WWC2: variants seen among roughly 807,000 people sequenced by gnomAD.
WWC2 encodes the protein protein WWC2.
In WWC2, 101 loss-of-function variants were observed where a neutral mutation model predicts 138.5. That is an observed-to-expected ratio of 0.73 (90% CI 0.62 to 0.86). WWC2 has a LOEUF of 0.86. WWC2 is among the 40% of genes least tolerant of loss of function. WWC2 has a pLI of 0.00. For synonymous variants in WWC2, 558 were observed against 538.4 expected, an observed-to-expected ratio of 1.04 and a Z score of -0.50; for missense variants, 1,420 against 1,419.4, an observed-to-expected ratio of 1.00 and a Z score of -0.01.
At chr4:183,257,410 G>GCTC (rs1054040108) in intron 9 of WWC2, among the ~76,000 whole-genome samples, 27 of 152,134 alleles carry the variant, frequency 1.8e-4, no homozygotes, top group Admixed American at 1.8e-3. Context: ...GGGCACTGAG[G>GCTC]GCAGAGTCAG....
At chr4:183,111,013 G>T (rs1249328676) in intron 1 of WWC2, among the ~76,000 whole-genome samples, 1 of 152,120 alleles carries the variant, frequency 6.6e-6, no homozygotes, top group Non-Finnish European at 1.5e-5. Context: ...GCTGAGGCGG[G>T]CGGATCACGA....
rs569517805 is a variant in WWC2 at position 183,282,322 on chromosome 4, G to T, written c.2685-386G>T. 4.6e-5 allele frequency among the ~76,000 whole-genome samples: 7 copies of T among 152,288 alleles called. No homozygotes were observed. The East Asian group carries it at 1.2e-3, about 25-fold the overall frequency. On this transcript the variant is annotated intron_variant, in intron 17 of 22. Transcript: ENST00000403733. ...ATGAGGATTTAAAATCCTTATTTCT[G>T]TATTCACTGTCATATGATTAATTTT...
chr4:183,247,222 A>G (rs1294287247), intron 6 of WWC2, among the ~76,000 whole-genome samples: 1 of 152,014 alleles, frequency 6.6e-6, no homozygotes. Context: ...AATGAATTTC[A>G]CAGAAATATG....
At chr4:183,193,106 T>A (rs555248423) in intron 1 of WWC2, among the ~76,000 whole-genome samples, 7 of 152,292 alleles carry the variant, frequency 4.6e-5, no homozygotes, top group Admixed American at 1.3e-4. Flanking sequence ...ATAAAAAAAA[T>A]TTGTCCTTCC....
At chr4:183,101,239 T>C (rs909074998) in intron 1 of WWC2, among the ~76,000 whole-genome samples, 38 of 152,376 alleles carry the variant, frequency 2.5e-4, no homozygotes, top group African/African-American at 9.1e-4. Context: ...CAGTTGTGTT[T>C]ACCGGAAAGG....
At chr4:183,294,768 T>C (rs1208385140) in intron 21 of WWC2, among the ~76,000 whole-genome samples, 1 of 152,216 alleles carries the variant, frequency 6.6e-6, no homozygotes, top group African/African-American at 2.4e-5. Context: ...GTGTTTTTTT[T>C]TTATTGTCTT....
At chr4:183,152,655 C>T (rs922466657) in intron 1 of WWC2, among the ~76,000 whole-genome samples, 2 of 151,664 alleles carry the variant, frequency 1.3e-5, no homozygotes, top group African/African-American at 2.4e-5. Flanking sequence ...GAGGCCAAGG[C>T]GGCAGATCAC....
At chr4:183,274,601 T>C (rs1207495204) in intron 16 of WWC2, among the ~76,000 whole-genome samples, 2 of 152,168 alleles carry the variant, frequency 1.3e-5, no homozygotes, top group African/African-American at 4.8e-5. Context: ...TATTTCTAAG[T>C]ATTTTATTGT....
intron 8 of WWC2, among the ~76,000 whole-genome samples, chr4:183,250,860 A>T (rs1332841072): frequency 7.9e-5 from 12 of 152,212 alleles, no homozygotes; most frequent in Admixed American, 7.2e-4. Context: ...AGAACCAGAT[A>T]TTGAAGTATA....
Position 183,319,251 on chromosome 4 carries a change from A to G in WWC2, c.*3522A>G, listed in dbSNP as rs2060361166. 2 of 257,298 alleles carry G rather than the reference A, an allele frequency of 7.8e-6. No homozygotes were observed. The highest frequency in any genetic ancestry group is 1.5e-5 in the Non-Finnish European group (2 of 135,400). The allele number at this position is 257,298 out of a possible 1,614,324, so 15.9% of individuals were successfully genotyped here. ...CAAATGATTCCGCTCCATATGAATA[A>G]TACCTTCAAAGATACATAGAGATTA... On this transcript the variant is annotated 3_prime_UTR_variant, in exon 23 of 23. Coordinates refer to ENST00000403733, the MANE Select transcript of WWC2 (RefSeq NM_024949.6).
chr4:183,113,827 A>G (rs1020322038), intron 1 of WWC2, among the ~76,000 whole-genome samples: 15 of 151,752 alleles, frequency 9.9e-5, no homozygotes, highest in African/African-American at 9.7e-5. Flanking sequence ...TTGCACTAGA[A>G]TGATGGCTTT....
At chr4:183,211,004 C>T (rs1242242942) in intron 4 of WWC2, among the ~76,000 whole-genome samples, 1 of 152,236 alleles carries the variant, frequency 6.6e-6, no homozygotes. Context: ...ACTTTATGCA[C>T]AGGCTTTTGC....
At chr4:183,245,358 G>A in intron 5 of WWC2, 58 bp from the exon 6 acceptor site, 2 of 1,383,944 alleles carry the variant, frequency 1.4e-6, no homozygotes, top group East Asian at 3.0e-5. Context: ...CCTACTCTCT[G>A]TTTAACTTAT....
At chr4:183,280,412 C>G (rs1466464073) in intron 16 of WWC2, among the ~76,000 whole-genome samples, 2 of 151,896 alleles carry the variant, frequency 1.3e-5, no homozygotes, top group Non-Finnish European at 1.5e-5. Context: ...CAATTTTAGT[C>G]TTCATATCCT....
At chr4:183,273,225 GTA>G (rs1483679273) in intron 16 of WWC2, among the ~76,000 whole-genome samples, 1 of 81,824 alleles carries the variant, frequency 1.2e-5, no homozygotes, top group Non-Finnish European at 3.2e-5. Context: ...TTGGCCATTA[GTA>G]TATCTTTTTT....
intron 1 of WWC2, among the ~76,000 whole-genome samples, chr4:183,172,945 G>T (rs1016508970): frequency 1.3e-5 from 2 of 151,696 alleles, no homozygotes; most frequent in African/African-American, 4.9e-5. Context: ...GTCAATAGAT[G>T]GTTTCTGCCA....
intron 20 of WWC2, among the ~76,000 whole-genome samples, chr4:183,287,805 TCA>T (rs1329243791): frequency 6.6e-6 from 1 of 152,160 alleles, no homozygotes; most frequent in African/African-American, 2.4e-5. Context: ...TCACGCTGGC[TCA>T]CAAGAGCCAA....
At chr4:183,191,620 T>G (rs1734995567) in intron 1 of WWC2, among the ~76,000 whole-genome samples, 1 of 152,090 alleles carries the variant, frequency 6.6e-6, no homozygotes. Context: ...TTCCCGCACT[T>G]TAGTGTGGAG....
chr4:183,224,752 G>C (rs1736024752), intron 4 of WWC2, among the ~76,000 whole-genome samples: 1 of 152,018 alleles, frequency 6.6e-6, no homozygotes, highest in African/African-American at 2.4e-5. Context: ...GTAGAGATGA[G>C]GTTTCACCAT....
Sources: gnomAD v4.1 joint callset for allele counts (sites outside exome capture counted in the v4.1 genomes callset) on GRCh38, gnomAD v4.1.1 for gene constraint, MANE v1.5 for transcripts, NCBI Gene and HGNC (gene_info 2026-07-23, HGNC 2026-07-21) for gene names.